Variants in CPNE4 observed in about 807,000 individuals in gnomAD.
CPNE4 encodes the protein copine-4.
Under a neutral mutation model 67.9 loss-of-function variants are expected in CPNE4, and 25 were observed. The ratio of observed to expected loss-of-function variants is 0.37; its 90% CI spans 0.27 to 0.51. CPNE4 has a LOEUF of 0.51. CPNE4 is among the 20% of genes least tolerant of loss of function. The pLI is 0.93. For missense variants in CPNE4, 464 were observed against 690.8 expected (o/e 0.67, Z 3.68); for synonymous variants, 242 against 244.9 (o/e 0.99, Z 0.11).
At chr3:132,006,701 G>C (rs562823784) in intron 1 of CPNE4, among the ~76,000 whole-genome samples, 1 of 150,178 alleles carries the variant, frequency 6.7e-6, no homozygotes, top group African/African-American at 2.5e-5. Context: ...GTGTTAAAAA[G>C]TTGATTGAGA....
In CPNE4 at chr3:131,771,068, G is replaced by A. The variant is rs568221739; in HGVS notation, c.181-47443C>T. 2.0e-5 allele frequency among the ~76,000 whole-genome samples: 3 copies of A among 152,220 alleles called. No individual in the cohort carries two copies. In the South Asian group the frequency reaches 6.2e-4, roughly 32 times the overall value. ...GTTTCATATTTATATATGCCTATTTGTTAAAGTTTCTCTCTCACCAAGTTT... is the reference window on the plus strand; with the variant it reads ...GTTTCATATTTATATATGCCTATTTATTAAAGTTTCTCTCTCACCAAGTTT... On this transcript the variant is annotated intron_variant, in intron 2 of 15. Coordinates refer to ENST00000429747, the MANE Select transcript of CPNE4 (RefSeq NM_130808.3).
chr3:131,578,540 A>T (rs867779860), intron 9 of CPNE4, among the ~76,000 whole-genome samples: 1 of 152,224 alleles, frequency 6.6e-6, no homozygotes, highest in African/African-American at 2.4e-5. Context: ...AGAAATGATT[A>T]AACTTAGTGA....
At position 131,845,491 on chromosome 3, in the gene CPNE4, C is replaced by T. The variant is rs375504633; in HGVS notation, c.180+59773G>A. Among the ~76,000 whole-genome samples, 6 of 152,174 alleles carry T rather than the reference C, an allele frequency of 3.9e-5. No individual in the cohort carries two copies. In the East Asian group the frequency reaches 5.8e-4, roughly 15 times the overall value. On this transcript the variant is annotated intron_variant, in intron 2 of 15. Transcript: ENST00000429747. ...TACTGCTCACCCATTTAATCATAGT[C>T]AAATCTTCTGAAGGCTAAAAGTTAA... is the stretch of plus-strand genomic sequence containing the variant.
intron 7 of CPNE4, among the ~76,000 whole-genome samples, chr3:131,643,229 C>G (rs1317603531): frequency 3.9e-5 from 6 of 152,182 alleles, no homozygotes; most frequent in East Asian, 3.8e-4. Flanking sequence ...CCATAGAGAT[C>G]TGTGGAACTT....
chr3:131,778,754 A>G (rs774616150), intron 2 of CPNE4, among the ~76,000 whole-genome samples: 3 of 152,018 alleles, frequency 2.0e-5, no homozygotes, highest in Non-Finnish European at 4.4e-5. Context: ...GCCCAGGGGG[A>G]TAGGCTCGCA....
intron 11 of CPNE4, among the ~76,000 whole-genome samples, chr3:131,560,716 G>A (rs1582798385): frequency 6.6e-6 from 1 of 151,990 alleles, no homozygotes; most frequent in East Asian, 1.9e-4. Context: ...TTAAATAGAT[G>A]CTGCATAGGA....
chr3:131,889,589 C>T (rs2088024251), intron 2 of CPNE4, among the ~76,000 whole-genome samples: 1 of 152,200 alleles, frequency 6.6e-6, no homozygotes, highest in African/African-American at 2.4e-5. Context: ...ATGCCACTTT[C>T]TGAATTTCAA....
chr3:131,877,544 C>T (rs1156983146), intron 2 of CPNE4, among the ~76,000 whole-genome samples: 1 of 151,920 alleles, frequency 6.6e-6, no homozygotes, highest in Non-Finnish European at 1.5e-5. Flanking sequence ...AAGCCTATGA[C>T]ATAATGGATG....
At chr3:131,953,431 G>T (rs1046693302) in intron 1 of CPNE4, among the ~76,000 whole-genome samples, 4 of 151,912 alleles carry the variant, frequency 2.6e-5, no homozygotes, top group African/African-American at 9.7e-5. Context: ...ATCATAAAAG[G>T]ATATTGAATT....
At chr3:131,876,999 A>G in intron 2 of CPNE4, among the ~76,000 whole-genome samples, 1 of 151,754 alleles carries the variant, frequency 6.6e-6, no homozygotes, top group Non-Finnish European at 1.5e-5. Context: ...ACAGCAAATA[A>G]TGTACTTTTT....
chr3:131,945,991 T>A (rs1182298317), intron 1 of CPNE4, among the ~76,000 whole-genome samples: 1 of 152,212 alleles, frequency 6.6e-6, no homozygotes, highest in Non-Finnish European at 1.5e-5. Context: ...CTCTGGTAGC[T>A]AGCCATAATT....
intron 2 of CPNE4, among the ~76,000 whole-genome samples, chr3:131,861,143 T>C (rs753942796): frequency 3.9e-5 from 6 of 152,336 alleles, no homozygotes; most frequent in Admixed American, 2.0e-4. Context: ...TCAGTAGTGA[T>C]TGTCAAACAT....
chr3:131,811,603 CTCTAAG>C (rs1463671662), intron 2 of CPNE4, among the ~76,000 whole-genome samples: 1 of 152,086 alleles, frequency 6.6e-6, no homozygotes, highest in Non-Finnish European at 1.5e-5. Flanking sequence ...CCAACCCTGC[CTCTAAG>C]TCTCTCTCTG....
intron 1 of CPNE4, among the ~76,000 whole-genome samples, chr3:132,021,804 GAAC>G (rs1286376407): frequency 1.3e-5 from 2 of 152,124 alleles, no homozygotes; most frequent in Non-Finnish European, 2.9e-5. Flanking sequence ...AGAAATCACA[GAAC>G]AAGGAGCTTA....
chr3:131,558,554 G>A (rs946392579), intron 11 of CPNE4, among the ~76,000 whole-genome samples: 2 of 151,830 alleles, frequency 1.3e-5, no homozygotes, highest in Non-Finnish European at 1.5e-5. Flanking sequence ...AAAACCCTAC[G>A]TGCTTCAATG....
chr3:131,905,559 T>A (rs1036452965), intron 1 of CPNE4, 115 bp from the exon 2 acceptor site: 2 of 886,840 alleles, frequency 2.3e-6, no homozygotes, highest in African/African-American at 1.7e-5. Flanking sequence ...GTTTCAAACA[T>A]TGAAGGTATT....
chr3:131,792,663 G>GTA (rs146705600), intron 2 of CPNE4, among the ~76,000 whole-genome samples: 887 of 47,926 alleles, frequency 0.019, 51 homozygotes, highest in Non-Finnish European at 0.027. Context: ...ATACACACGT[G>GTA]TATATATACA....
chr3:131,944,965 C>A (rs2071507007), intron 1 of CPNE4, among the ~76,000 whole-genome samples: 1 of 152,156 alleles, frequency 6.6e-6, no homozygotes, highest in Non-Finnish European at 1.5e-5. Context: ...AGTGTTCATG[C>A]AGTCCCTAGT....
intron 6 of CPNE4, among the ~76,000 whole-genome samples, chr3:131,670,016 A>G (rs543576302): frequency 7.9e-5 from 12 of 152,306 alleles, no homozygotes; most frequent in African/African-American, 2.6e-4. Context: ...ATTTTCCAGC[A>G]TGTGGATGCT....
Sources: gnomAD v4.1 joint callset for allele counts (sites outside exome capture counted in the v4.1 genomes callset) on GRCh38, gnomAD v4.1.1 for gene constraint, MANE v1.5 for transcripts, NCBI Gene and HGNC (gene_info 2026-07-23, HGNC 2026-07-21) for gene names.